Variants in PPP1CB observed in about 807,000 individuals in gnomAD.
PPP1CB encodes the protein protein phosphatase 1 catalytic subunit beta.
A neutral mutation model predicts 43.7 loss-of-function variants in PPP1CB; 2 were observed. The ratio of observed to expected loss-of-function variants is 0.05; its 90% confidence interval spans 0.02 to 0.14. PPP1CB has a LOEUF of 0.14. Ranked by LOEUF, PPP1CB falls within the 10% of genes least tolerant of loss-of-function variation. The probability of loss-of-function intolerance (pLI) is 1.00; values close to 1 mark genes in which losing one functional copy is unlikely to be tolerated. For missense variants in PPP1CB, 84 were observed against 398.0 expected (o/e 0.21, Z 6.71); for synonymous variants, 136 against 135.6 (o/e 1.00, Z -0.02).
At chr2:28,774,599 T>A (rs1390343344) in intron 1 of PPP1CB, among the ~76,000 whole-genome samples, 3 of 152,160 alleles carry the variant, frequency 2.0e-5, no homozygotes, top group Non-Finnish European at 4.4e-5. Flanking sequence ...CTAATTCTTG[T>A]ATTTTTAGTA....
At position 28,769,714 on chromosome 2, in the gene PPP1CB, G is replaced by A. The variant is rs1022089959; in HGVS notation, c.53-7137G>A. 2.6e-5 allele frequency among the ~76,000 whole-genome samples: 4 copies of A among 152,212 alleles called. No homozygotes were observed. In the East Asian group the frequency reaches 7.7e-4, roughly 29 times the overall value. On this transcript the variant is annotated intron_variant, in intron 1 of 7. Transcript: ENST00000395366. ...TTAAAATATGTGGAAACAAAAATAC[G>A]ACAACTGTAGAACAAAAGGCTGGAG...
chr2:28,767,365 T>G (rs2148041782), intron 1 of PPP1CB, among the ~76,000 whole-genome samples: 1 of 152,346 alleles, frequency 6.6e-6, no homozygotes, highest in South Asian at 2.1e-4. Flanking sequence ...TTGTGGTTTT[T>G]TTTTTAGCAC....
intron 1 of PPP1CB, among the ~76,000 whole-genome samples, chr2:28,773,369 C>A (rs867327074): frequency 5.9e-5 from 9 of 151,998 alleles, no homozygotes; most frequent in African/African-American, 2.2e-4. Flanking sequence ...AGTCTGAATC[C>A]CTCTCTGCTG....
chr2:28,782,817 A>G (rs1667182474), intron 4 of PPP1CB: 1 of 152,238 alleles, frequency 6.6e-6, no homozygotes, highest in South Asian at 2.1e-4. Context: ...GGGAAGAATT[A>G]AAGTGGAAAA....
At chr2:28,785,220 G>A (rs893965948) in intron 5 of PPP1CB, among the ~76,000 whole-genome samples, 108 of 150,910 alleles carry the variant, frequency 7.2e-4, no homozygotes, top group African/African-American at 2.5e-3. Flanking sequence ...GACTACAGGC[G>A]CCCGCCACCA....
chr2:28,766,398 C>CA (rs1171700090), intron 1 of PPP1CB, among the ~76,000 whole-genome samples: 1 of 152,082 alleles, frequency 6.6e-6, no homozygotes, highest in Non-Finnish European at 1.5e-5. Context: ...TATTTTTCCA[C>CA]AAAAAAACTG....
intron 1 of PPP1CB, among the ~76,000 whole-genome samples, chr2:28,775,880 T>G (rs540779114): frequency 3.7e-4 from 57 of 152,284 alleles, no homozygotes; most frequent in African/African-American, 1.3e-3. Flanking sequence ...CCATATTATC[T>G]TATGGCTCAG....
In PPP1CB at chr2:28,800,226, C is replaced by CTTTCTTTTTTTTTTTTTTTTTTT. The variant is rs1553312779; in HGVS notation, c.*926_*927insCTTTTTTTTTTTTTTTTTTTTTT. 1.5e-5 allele frequency: 1 copy of CTTTCTTTTTTTTTTTTTTTTTTT among 65,628 alleles called. No homozygotes were observed. The highest frequency in any genetic ancestry group is 6.3e-5 in the African/African-American group (1 of 15,760). 4.1% of individuals were successfully genotyped at this position (65,628 alleles called of 1,614,324 possible). A position where few individuals can be genotyped will look rare whatever the true frequency, so the allele number is the denominator to read the frequency against. On this transcript the variant is annotated 3_prime_UTR_variant, in exon 8 of 8. Coordinates refer to ENST00000395366, the MANE Select transcript of PPP1CB (RefSeq NM_002709.3). ...TTGGTTTTCTTTTTCTTTTTTCTTT[C>CTTTCTTTTTTTTTTTTTTTTTTT]TTTTTTTTTTTTTTTTTTTTTTTGA...
chr2:28,788,433 T>A (rs1478116314), intron 5 of PPP1CB, among the ~76,000 whole-genome samples: 1 of 152,102 alleles, frequency 6.6e-6, no homozygotes, highest in Non-Finnish European at 1.5e-5. Context: ...TGGAAAGGGT[T>A]GGAAAGTACT....
intron 1 of PPP1CB, among the ~76,000 whole-genome samples, chr2:28,772,328 C>T (rs1666932309): frequency 6.6e-6 from 1 of 152,054 alleles, no homozygotes; most frequent in Non-Finnish European, 1.5e-5. Flanking sequence ...TACTTGACAA[C>T]CTTGGTCCTC....
At chr2:28,767,536 A>G (rs1017675397) in intron 1 of PPP1CB, among the ~76,000 whole-genome samples, 2 of 152,192 alleles carry the variant, frequency 1.3e-5, no homozygotes, top group African/African-American at 2.4e-5. Flanking sequence ...TACAGCAATA[A>G]TCGTGACACC....
intron 5 of PPP1CB, among the ~76,000 whole-genome samples, chr2:28,788,051 C>G (rs979454932): frequency 6.6e-6 from 1 of 151,230 alleles, no homozygotes; most frequent in African/African-American, 2.4e-5. Flanking sequence ...ATCTGTAGAT[C>G]AAATACAATT....
chr2:28,763,630 A>G (rs895319318), intron 1 of PPP1CB, among the ~76,000 whole-genome samples: 1 of 152,194 alleles, frequency 6.6e-6, no homozygotes, highest in African/African-American at 2.4e-5. Context: ...ATATTTTTAC[A>G]TATACACAAT....
chr2:28,781,848 C>G lies in PPP1CB; in HGVS notation c.520+6C>G. On this transcript the variant is annotated splice_donor_region_variant and intron_variant, in intron 4 of 7. Transcript: ENST00000395366. ...GATCTTCTGTTGTCATGGAGGTAGA[C>G]TAGTAAATTTGCCTTACAGATTTTT... 6.3e-7 allele frequency: 1 copy of G among 1,598,982 alleles called. No homozygotes were observed. The highest frequency in any genetic ancestry group is 8.6e-7 in the Non-Finnish European group (1 of 1,166,974).
At chr2:28,754,321 A>G (rs1018547857) in intron 1 of PPP1CB, among the ~76,000 whole-genome samples, 1 of 80,022 alleles carries the variant, frequency 1.2e-5, no homozygotes, top group African/African-American at 5.3e-5. Flanking sequence ...GGTTTGTACA[A>G]TCTGTTTTCC....
At chr2:28,792,469 C>T (rs1480344055) in intron 6 of PPP1CB, among the ~76,000 whole-genome samples, 4 of 152,106 alleles carry the variant, frequency 2.6e-5, no homozygotes, top group Non-Finnish European at 4.4e-5. Flanking sequence ...CTGCAGTAAG[C>T]CAAGATTGCA....
chr2:28,783,331 T>A, intron 4 of PPP1CB, among the ~76,000 whole-genome samples: 1 of 151,720 alleles, frequency 6.6e-6, no homozygotes, highest in East Asian at 1.9e-4. Flanking sequence ...GAATGGTAGT[T>A]TTTTTTTTCC....
At chr2:28,759,989 G>GA (rs1418262143) in intron 1 of PPP1CB, among the ~76,000 whole-genome samples, 1 of 151,930 alleles carries the variant, frequency 6.6e-6, no homozygotes, top group Non-Finnish European at 1.5e-5. Flanking sequence ...GGCATTCCAG[G>GA]AAAAAAAGCT....
intron 6 of PPP1CB, among the ~76,000 whole-genome samples, chr2:28,792,722 TG>T (rs2148059606): frequency 6.6e-6 from 1 of 152,350 alleles, no homozygotes; most frequent in East Asian, 1.9e-4. Flanking sequence ...CCTTCGTAAT[TG>T]CTTTTTTATA....
Sources: gnomAD v4.1 joint callset for allele counts (sites outside exome capture counted in the v4.1 genomes callset) on GRCh38, gnomAD v4.1.1 for gene constraint, MANE v1.5 for transcripts, NCBI Gene and HGNC (gene_info 2026-07-23, HGNC 2026-07-21) for gene names.